Variants in AADAT observed in about 807,000 individuals in gnomAD.
AADAT encodes the protein kynurenine/alpha-aminoadipate aminotransferase, mitochondrial.
A neutral mutation model predicts 56.2 loss-of-function variants in AADAT; 25 were observed. The ratio of observed to expected loss-of-function variants is 0.44; its 90% CI spans 0.32 to 0.62. AADAT has a LOEUF of 0.62. AADAT is among the 20% of genes least tolerant of loss of function. The pLI, the probability that AADAT is intolerant of heterozygous loss-of-function variation, is 0.04. For missense variants in AADAT, 387 were observed against 510.5 expected (o/e 0.76, Z 2.33); for synonymous variants, 173 against 164.7 (o/e 1.05, Z -0.39).
At position 170,072,271 on chromosome 4, in the gene AADAT, G is replaced by A. The variant is rs1251765309; in HGVS notation, c.654+865C>T. 3.4e-5 allele frequency among the ~76,000 whole-genome samples: 5 copies of A among 148,590 alleles called. No homozygotes were observed. The East Asian group carries it at 6.0e-4, about 18-fold the overall frequency. Reference sequence around the variant, plus strand: ...TTTATATAGATACATGTATATATATGTGTGTGTGTGTATATATATGTGTGT... The same window carrying A: ...TTTATATAGATACATGTATATATATATGTGTGTGTGTATATATATGTGTGT... On this transcript the variant is annotated intron_variant, in intron 5 of 12. Transcript: ENST00000337664.
At chr4:170,061,010 T>C in intron 12 of AADAT, 41 bp from the exon 13 acceptor site, 1 of 1,343,350 alleles carries the variant, frequency 7.4e-7, no homozygotes, top group Non-Finnish European at 1.0e-6. Flanking sequence ...TAAATTAGGA[T>C]ACTATATTGG....
chr4:170,067,470 G>A (rs899569292), intron 8 of AADAT, 82 bp from the exon 9 acceptor site: 2 of 1,053,270 alleles, frequency 1.9e-6, no homozygotes, highest in Admixed American at 1.9e-5. Context: ...ACTCACTTTT[G>A]ATTACATGTA....
In AADAT at chr4:170,077,080, T is replaced by C. The variant is rs539567326; in HGVS notation, c.444+1429A>G. Among the ~76,000 whole-genome samples the C allele has an allele frequency of 1.4e-4, 21 of 152,312 alleles. No individual in the cohort carries two copies. In the South Asian group the frequency reaches 4.3e-3, roughly 32 times the overall value. ...GTCTATATGATTGTCTTTATGCCAGTACCACATTGTTTGATTACTGCAGCT... is the reference window on the plus strand; with the variant it reads ...GTCTATATGATTGTCTTTATGCCAGCACCACATTGTTTGATTACTGCAGCT... On this transcript the variant is annotated intron_variant, in intron 4 of 12. Coordinates refer to ENST00000337664, the MANE Select transcript of AADAT (RefSeq NM_016228.4).
At chr4:170,080,525 A>C (rs1400373985) in intron 3 of AADAT, among the ~76,000 whole-genome samples, 3 of 152,152 alleles carry the variant, frequency 2.0e-5, no homozygotes, top group African/African-American at 7.2e-5. Context: ...CAGGACTACC[A>C]TCCCAAGCCC....
upstream of AADAT, among the ~76,000 whole-genome samples, chr4:170,092,342 G>A (rs973995961): frequency 1.3e-5 from 2 of 152,170 alleles, no homozygotes; most frequent in African/African-American, 2.4e-5. Context: ...ACAGGGAGGA[G>A]TAAACAAATC....
chr4:170,074,646 C>A (rs1731949514), intron 4 of AADAT, among the ~76,000 whole-genome samples: 1 of 151,972 alleles, frequency 6.6e-6, no homozygotes, highest in South Asian at 2.1e-4. Flanking sequence ...CCCTGTTATG[C>A]CGACATTAAC....
At position 170,060,807 on chromosome 4, in the gene AADAT, T is replaced by G. The variant is rs1229624792; in HGVS notation, c.*121A>C. 1 of 698,878 alleles carries G rather than the reference T, an allele frequency of 1.4e-6. No homozygotes were observed. The highest frequency in any genetic ancestry group is 3.0e-5 in the East Asian group (1 of 33,272). 43.3% of individuals were successfully genotyped at this position (698,878 alleles called of 1,614,324 possible). A position where few individuals can be genotyped will look rare whatever the true frequency, so the allele number is the denominator to read the frequency against. On this transcript the variant is annotated 3_prime_UTR_variant, in exon 13 of 13. Transcript: ENST00000337664. ...AGAGTGCATGCAGGCCAGAGTGCAG[T>G]GGTGTGATCGTAGCTTACTGCAGCC...
Position 170,060,911 on chromosome 4 carries a change from A to C in AADAT, c.*17T>G, listed in dbSNP as rs1437812185. Reference sequence around the variant, plus strand: ...ATTATAGGTGTGAGCCACCATGCCCAACCTAGTTTAATTTCTTCATAAAGA... The same window carrying C: ...ATTATAGGTGTGAGCCACCATGCCCCACCTAGTTTAATTTCTTCATAAAGA... On this transcript the variant is annotated 3_prime_UTR_variant, in exon 13 of 13. Transcript: ENST00000337664. The C allele has an allele frequency of 1.9e-6, 3 of 1,541,154 alleles. No homozygotes were observed. Among genetic ancestry groups the C allele is most frequent in the African/African-American group, 1.4e-5 (1 of 72,686 alleles).
chr4:170,091,386 G>C (rs114156008), upstream of AADAT, among the ~76,000 whole-genome samples: 6,533 of 152,264 alleles, frequency 0.043, 467 homozygotes, highest in African/African-American at 0.15. Flanking sequence ...AGCAGCTGCG[G>C]AGGGTGTGCC....
intron 5 of AADAT, among the ~76,000 whole-genome samples, chr4:170,071,176 G>C (rs1201488276): frequency 6.6e-6 from 1 of 152,220 alleles, no homozygotes; most frequent in African/African-American, 2.4e-5. Context: ...GCCTCCCAAA[G>C]TGCTGGGATT....
chr4:170,073,778 C>A (rs187675579), intron 4 of AADAT, among the ~76,000 whole-genome samples: 2 of 152,220 alleles, frequency 1.3e-5, no homozygotes, highest in East Asian at 3.9e-4. Flanking sequence ...GGATTACAGC[C>A]GTGAGCTGCC....
Position 170,069,134 on chromosome 4 carries a change from A to G in AADAT, c.803+14T>C. 1 of 1,609,462 alleles carries G rather than the reference A, an allele frequency of 6.2e-7. No homozygotes were observed. The highest frequency in any genetic ancestry group is 8.5e-7 in the Non-Finnish European group (1 of 1,177,300). On this transcript the variant is annotated intron_variant, in intron 7 of 12. Transcript: ENST00000337664. ...TATTAGATCTAGCGTCAAGTTAGAG[A>G]CACAGGGCCTTACCCAGAGGAAATG...
chr4:170,092,871 T>C (rs896173608), upstream of AADAT, among the ~76,000 whole-genome samples: 1 of 152,248 alleles, frequency 6.6e-6, no homozygotes, highest in East Asian at 1.9e-4. Flanking sequence ...CAAATGTTTT[T>C]GACTAAAGCT....
At chr4:170,087,382 A>G (rs1732615780) in intron 2 of AADAT, 134 bp from the exon 3 acceptor site, 3 of 787,012 alleles carry the variant, frequency 3.8e-6, no homozygotes, top group African/African-American at 3.5e-5. Flanking sequence ...GCTTTTTGCC[A>G]GTATGAATAT....
intron 3 of AADAT, among the ~76,000 whole-genome samples, chr4:170,079,153 G>T (rs1028726470): frequency 1.2e-4 from 19 of 152,274 alleles, no homozygotes; most frequent in African/African-American, 4.6e-4. Context: ...AAGTACAGAT[G>T]CACAATGACA....
chr4:170,066,770 T>C (rs1332021892), intron 9 of AADAT, among the ~76,000 whole-genome samples: 2 of 149,930 alleles, frequency 1.3e-5, no homozygotes, highest in African/African-American at 5.1e-5. Flanking sequence ...TTTAGTTGTC[T>C]AAATACTGGT....
At chr4:170,087,742 T>A (rs1192360524) in intron 2 of AADAT, among the ~76,000 whole-genome samples, 1 of 152,068 alleles carries the variant, frequency 6.6e-6, no homozygotes, top group African/African-American at 2.4e-5. Flanking sequence ...TTTAATAAAG[T>A]ATAATTTATA....
At chr4:170,085,351 A>T (rs560908261) in intron 3 of AADAT, among the ~76,000 whole-genome samples, 1 of 152,258 alleles carries the variant, frequency 6.6e-6, no homozygotes, top group East Asian at 1.9e-4. Flanking sequence ...ACAAATTTCA[A>T]ATATCCTAAA....
intron 10 of AADAT, 95 bp downstream of exon 10, chr4:170,066,319 C>A (rs756074882): frequency 6.3e-6 from 7 of 1,108,292 alleles, no homozygotes; most frequent in Non-Finnish European, 9.6e-6. Flanking sequence ...TGGACTGTTT[C>A]TTTTCCACCA....
Sources: gnomAD v4.1 joint callset for allele counts (sites outside exome capture counted in the v4.1 genomes callset) on GRCh38, gnomAD v4.1.1 for gene constraint, MANE v1.5 for transcripts, NCBI Gene and HGNC (gene_info 2026-07-23, HGNC 2026-07-21) for gene names.